Variants in RPIA observed in about 807,000 individuals in gnomAD.
RPIA encodes the protein ribose-5-phosphate isomerase.
Under a neutral mutation model 37.8 loss-of-function variants are expected in RPIA, and 29 were observed. The ratio of observed to expected loss-of-function variants is 0.77; its 90% CI spans 0.57 to 1.05. The LOEUF (loss-of-function observed/expected upper bound fraction) is 1.05, where lower values mean the gene tolerates loss of function less well. RPIA is among the 50% of genes least tolerant of loss of function. The pLI is 0.00. For missense variants in RPIA, 385 were observed against 413.6 expected (o/e 0.93, Z 0.60); for synonymous variants, 167 against 157.0 (o/e 1.06, Z -0.48).
At chr2:88,701,251 T>C (rs1165632835) in intron 3 of RPIA, among the ~76,000 whole-genome samples, 5 of 47,080 alleles carry the variant, frequency 1.1e-4, no homozygotes, top group Non-Finnish European at 2.3e-4. Context: ...TTTATATAGC[T>C]TTTTTTTTTT....
At chr2:88,745,298 G>A (rs558789867) in intron 8 of RPIA, among the ~76,000 whole-genome samples, 39 of 151,844 alleles carry the variant, frequency 2.6e-4, no homozygotes, top group African/African-American at 8.9e-4. Context: ...GAGATATGAG[G>A]TATTATTTTA....
intron 1 of RPIA, among the ~76,000 whole-genome samples, chr2:88,697,800 G>C (rs1440244165): frequency 1.3e-5 from 2 of 152,136 alleles, no homozygotes; most frequent in East Asian, 3.8e-4. Context: ...AGCACCCCTT[G>C]GTGTCACCTA....
intron 3 of RPIA, among the ~76,000 whole-genome samples, chr2:88,716,076 G>A (rs1673032302): frequency 1.3e-5 from 2 of 152,100 alleles, no homozygotes; most frequent in African/African-American, 4.8e-5. Context: ...TCATCCCTCT[G>A]AGGCTCACCT....
At chr2:88,734,703 C>T (rs966059201) in intron 5 of RPIA, 87 bp downstream of exon 5, 84 of 1,360,738 alleles carry the variant, frequency 6.2e-5, no homozygotes, top group Non-Finnish European at 8.5e-5. Context: ...AACAAATTGC[C>T]ACTGTGACAT....
intron 3 of RPIA, among the ~76,000 whole-genome samples, chr2:88,704,561 A>T (rs1435339876): frequency 6.6e-6 from 1 of 152,214 alleles, no homozygotes; most frequent in Admixed American, 6.5e-5. Context: ...CTCCCACAAC[A>T]CATGGGAATT....
intron 4 of RPIA, among the ~76,000 whole-genome samples, chr2:88,733,215 C>T (rs945321705): frequency 1.3e-5 from 2 of 152,192 alleles, no homozygotes; most frequent in Non-Finnish European, 2.9e-5. Context: ...CAAATGGACA[C>T]TGCTCGGACT....
At chr2:88,729,643 A>G (rs1306431650) in intron 4 of RPIA, among the ~76,000 whole-genome samples, 1 of 152,218 alleles carries the variant, frequency 6.6e-6, no homozygotes, top group Non-Finnish European at 1.5e-5. Context: ...TATAAGAGTG[A>G]GCCAGCTCAT....
At chr2:88,696,893 C>G (rs1005947878) in intron 1 of RPIA, among the ~76,000 whole-genome samples, 2 of 152,130 alleles carry the variant, frequency 1.3e-5, no homozygotes, top group African/African-American at 4.8e-5. Flanking sequence ...TCTTAAAGGT[C>G]CCACTTCTTA....
rs867847784 is a variant in RPIA at position 88,698,685 on chromosome 2, G to A, written c.346+141G>A. Reference sequence around the variant, plus strand: ...AGAGCTGGAGAGAGGGACTACCTGAGGTCAGTTGAGTGTTTCTGCTCTTTT... The same window carrying A: ...AGAGCTGGAGAGAGGGACTACCTGAAGTCAGTTGAGTGTTTCTGCTCTTTT... On this transcript the variant is annotated intron_variant, in intron 2 of 8. Transcript: ENST00000283646. 20 of 803,484 alleles carry A rather than the reference G, an allele frequency of 2.5e-5. No individual in the cohort carries two copies. In the Middle Eastern group the frequency reaches 4.3e-3, roughly 173 times the overall value. 49.8% of individuals were successfully genotyped at this position (803,484 alleles called of 1,614,324 possible). A position where few individuals can be genotyped will look rare whatever the true frequency, so the allele number is the denominator to read the frequency against.
In RPIA at chr2:88,712,886, T is replaced by C. The variant is rs183321607; in HGVS notation, c.402+12822T>C. On this transcript the variant is annotated intron_variant, in intron 3 of 8. Transcript: ENST00000283646. ...TCTTCTTCTTCTTCTTTTCTTTTTT[T>C]AGACGGTGTCTTGCTGTTGTCATCC... 3.3e-5 allele frequency among the ~76,000 whole-genome samples: 5 copies of C among 151,940 alleles called. No homozygotes were observed. In the East Asian group the frequency reaches 9.7e-4, roughly 29 times the overall value.
In RPIA at chr2:88,736,739, C is replaced by T. The variant is rs979020382; in HGVS notation, c.738+63C>T. ...ACTCAGGTTTTCAGTGTGGTGTCCT[C>T]CCTTCTGTTGCAGTTAGGTCATGTG... On this transcript the variant is annotated intron_variant, in intron 7 of 8. Coordinates refer to ENST00000283646, the MANE Select transcript of RPIA (RefSeq NM_144563.3). The T allele has an allele frequency of 1.7e-5, 26 of 1,563,392 alleles. No individual in the cohort carries two copies. In the South Asian group the frequency reaches 2.6e-4, roughly 15 times the overall value.
intron 8 of RPIA, among the ~76,000 whole-genome samples, chr2:88,742,977 A>C (rs536255111): frequency 6.6e-6 from 1 of 152,134 alleles, no homozygotes; most frequent in African/African-American, 2.4e-5. Context: ...GTATATGATC[A>C]TATTATTAGT....
At chr2:88,706,100 T>C (rs1301318084) in intron 3 of RPIA, among the ~76,000 whole-genome samples, 1 of 152,136 alleles carries the variant, frequency 6.6e-6, no homozygotes, top group African/African-American at 2.4e-5. Flanking sequence ...TTTTACATTG[T>C]TGGTAGGAAT....
intron 4 of RPIA, among the ~76,000 whole-genome samples, chr2:88,733,899 G>A (rs939877755): frequency 2.6e-5 from 4 of 152,102 alleles, no homozygotes; most frequent in Non-Finnish European, 5.9e-5. Context: ...CTGCTTTTGG[G>A]GCTTGTGGTG....
chr2:88,706,364 T>G (rs1458903418), intron 3 of RPIA, among the ~76,000 whole-genome samples: 2 of 152,144 alleles, frequency 1.3e-5, no homozygotes, highest in African/African-American at 4.8e-5. Context: ...CATAGAATAC[T>G]ATGCAGCCAT....
intron 8 of RPIA, among the ~76,000 whole-genome samples, chr2:88,740,065 AG>A (rs1248656377): frequency 3.3e-5 from 5 of 152,224 alleles, no homozygotes; most frequent in Non-Finnish European, 5.9e-5. Flanking sequence ...GAGGAAGAGA[AG>A]ATTTGCAAAT....
intron 3 of RPIA, among the ~76,000 whole-genome samples, chr2:88,727,617 A>G (rs1673215306): frequency 6.6e-6 from 1 of 152,106 alleles, no homozygotes; most frequent in Non-Finnish European, 1.5e-5. Flanking sequence ...TCCCACTTAC[A>G]AGTGAGAACA....
rs1489279280 is a variant in RPIA, at chr2:88,737,992, G to C, written c.754G>C (p.Asp252His). Residue 252 changes from aspartate (D) to histidine (H), a missense_variant, in exon 8 of 9, where the codon GAT (aspartate) becomes CAT (histidine). Asp to His is a moderately conservative substitution (Grantham distance 81, BLOSUM62 -1). Around this residue, in one of 2 missense-constraint regions of RPIA, gnomAD observed 153 missense variants for 210.6 expected, o/e 0.73. Transcript: ENST00000283646. Reference protein sequence around the residue: ...AVNKAGPVVTDNGNFILDWKF... With the variant: ...AVNKAGPVVTHNGNFILDWKF... ...TATCTTCTAGGGTCCTGTGGTGACA[G>C]ATAATGGGAATTTTATCTTGGACTG... 6.2e-7 allele frequency: 1 copy of C among 1,613,746 alleles called. No homozygotes were observed. The highest frequency in any genetic ancestry group is 1.7e-5 in the Admixed American group (1 of 60,012).
At chr2:88,737,951 G>T in intron 7 of RPIA, 26 bp from the exon 8 acceptor site, 1 of 1,553,622 alleles carries the variant, frequency 6.4e-7, no homozygotes, top group South Asian at 1.1e-5. Context: ...CTGCATCCTT[G>T]GTCACTGTGG....
Sources: allele counts gnomAD v4.1 joint callset (sites outside exome capture counted in the v4.1 genomes callset), GRCh38; gene constraint gnomAD v4.1.1; regional missense constraint gnomAD v4.1.1; transcripts MANE v1.5; gene names NCBI Gene and HGNC (gene_info 2026-07-23, HGNC 2026-07-21).